Variants in NHEJ1 observed in about 807,000 individuals in gnomAD.
NHEJ1 encodes the protein non-homologous end joining factor 1, also known as non-homologous end-joining factor 1.
Under a neutral mutation model 39.4 loss-of-function variants are expected in NHEJ1, and 22 were observed. The observed-to-expected ratio is 0.56, with a 90% CI of 0.40 to 0.80. NHEJ1 has a LOEUF of 0.80. Among genes scored for constraint, NHEJ1 ranks in the 30% least tolerant of loss-of-function variants. The probability of loss-of-function intolerance (pLI) is 0.00; values close to 1 mark genes in which losing one functional copy is unlikely to be tolerated. For missense variants in NHEJ1, 329 were observed against 357.1 expected, an observed-to-expected ratio of 0.92 and a Z score of 0.63; for synonymous variants, 154 against 135.6, an observed-to-expected ratio of 1.14 and a Z score of -0.94.
chr2:219,078,162 G>A lies in NHEJ1; in HGVS notation c.633C>T (p.Val211=). 6.2e-7 allele frequency: 1 copy of A among 1,614,142 alleles called. No individual in the cohort carries two copies. Among genetic ancestry groups the A allele is most frequent in the Non-Finnish European group, 8.5e-7 (1 of 1,180,020 alleles). ...CCATATACAGATCCTGCAGATTCAT[G>A]ACAAAGGGCTTTCCATCACCAATGC... is the stretch of plus-strand genomic sequence containing the variant. The part of the protein sequence containing the change: ...ACSIGDGKPF[V]MNLQDLYMAV... Residue 211 remains valine, a synonymous_variant, in exon 6 of 8, where the codon GTC becomes GTT. Coordinates refer to ENST00000356853, the MANE Select transcript of NHEJ1 (RefSeq NM_024782.3).
At chr2:219,079,725 T>C (rs1254335130) in intron 5 of NHEJ1, among the ~76,000 whole-genome samples, 1 of 152,162 alleles carries the variant, frequency 6.6e-6, no homozygotes, top group Non-Finnish European at 1.5e-5. Flanking sequence ...ACCTCTACCC[T>C]ACCTCACTCT....
At chr2:219,151,705 T>TA (rs2106364722) in intron 3 of NHEJ1, among the ~76,000 whole-genome samples, 1 of 152,060 alleles carries the variant, frequency 6.6e-6, no homozygotes, top group South Asian at 2.1e-4. Context: ...ATAAAATGTG[T>TA]AAAAAAGTCC....
At chr2:219,141,922 C>G (rs58232675) in intron 5 of NHEJ1, among the ~76,000 whole-genome samples, 2 of 152,080 alleles carry the variant, frequency 1.3e-5, no homozygotes, top group Non-Finnish European at 2.9e-5. Flanking sequence ...TGGCAATTTT[C>G]AAGTTAAAGC....
intron 5 of NHEJ1, among the ~76,000 whole-genome samples, chr2:219,137,282 G>A (rs539175704): frequency 6.6e-6 from 1 of 151,832 alleles, no homozygotes; most frequent in Non-Finnish European, 1.5e-5. Context: ...ATATGCCCAC[G>A]GTTAAACCGA....
In NHEJ1 at chr2:219,076,183, CAG is replaced by C. The variant is rs1253011045; in HGVS notation, c.*196_*197del. 1 of 1,227,244 alleles carries C rather than the reference CAG, an allele frequency of 8.1e-7. No individual in the cohort carries two copies. The highest frequency in any genetic ancestry group is 1.5e-5 in the African/African-American group (1 of 65,928). 76.0% of individuals were successfully genotyped at this position (1,227,244 alleles called of 1,614,324 possible). ...AAAAGAGAGGAGAGCACGGGATTCT[CAG>C]AGACTGGCTTCCACTTGAACAGGGA... On this transcript the variant is annotated 3_prime_UTR_variant, in exon 8 of 8. Transcript: ENST00000356853.
intron 5 of NHEJ1, among the ~76,000 whole-genome samples, chr2:219,106,841 G>T (rs577588266): frequency 7.9e-5 from 12 of 152,258 alleles, no homozygotes; most frequent in Admixed American, 3.9e-4. Flanking sequence ...CCCACAGTTT[G>T]GTAAAATGCA....
intron 5 of NHEJ1, among the ~76,000 whole-genome samples, chr2:219,086,886 C>G (rs1369414053): frequency 6.6e-6 from 1 of 152,258 alleles, no homozygotes; most frequent in South Asian, 2.1e-4. Context: ...ATAACCACCC[C>G]CTCCCCTTTG....
chr2:219,147,438 T>C (rs559725828), intron 4 of NHEJ1, among the ~76,000 whole-genome samples: 20 of 152,304 alleles, frequency 1.3e-4, no homozygotes, highest in Middle Eastern at 3.4e-3. Flanking sequence ...GCTGAGATCA[T>C]ACCACTACAC....
chr2:219,085,042 T>C (rs1319567263), intron 5 of NHEJ1, among the ~76,000 whole-genome samples: 3 of 152,234 alleles, frequency 2.0e-5, no homozygotes, highest in East Asian at 3.8e-4. Flanking sequence ...CTCTGCTATG[T>C]CATTTCCATT....
chr2:219,114,758 A>G (rs1949395318), intron 5 of NHEJ1, among the ~76,000 whole-genome samples: 1 of 152,194 alleles, frequency 6.6e-6, no homozygotes, highest in Non-Finnish European at 1.5e-5. Flanking sequence ...TGATTTTATA[A>G]GAACTATATC....
At chr2:219,157,170 T>C (rs534481604) in intron 3 of NHEJ1, among the ~76,000 whole-genome samples, 1 of 152,342 alleles carries the variant, frequency 6.6e-6, no homozygotes, top group East Asian at 1.9e-4. Context: ...TCTCACTAGA[T>C]TATGAACTCC....
chr2:219,157,328 T>A, intron 3 of NHEJ1, 144 bp downstream of exon 3: 2 of 703,626 alleles, frequency 2.8e-6, no homozygotes, highest in Non-Finnish European at 5.0e-6. Context: ...TCAAGAATCC[T>A]TTTTGCCTTC....
intron 3 of NHEJ1, among the ~76,000 whole-genome samples, chr2:219,154,401 G>A (rs140539114): frequency 2.3e-3 from 344 of 152,232 alleles, no homozygotes; most frequent in African/African-American, 7.9e-3. Context: ...ACTAGGGAAC[G>A]GGGTAGAAAG....
intron 5 of NHEJ1, among the ~76,000 whole-genome samples, chr2:219,140,269 G>C (rs918542990): frequency 1.3e-5 from 2 of 152,178 alleles, no homozygotes; most frequent in Non-Finnish European, 2.9e-5. Flanking sequence ...GATCATATAG[G>C]GTTTTATAGG....
chr2:219,128,445 A>G (rs1949544814), intron 5 of NHEJ1, among the ~76,000 whole-genome samples: 1 of 152,154 alleles, frequency 6.6e-6, no homozygotes, highest in Admixed American at 6.5e-5. Flanking sequence ...TAGGGGGGCT[A>G]GCTCTCTTCT....
At chr2:219,138,090 A>C (rs6748383) in intron 5 of NHEJ1, among the ~76,000 whole-genome samples, 79,556 of 151,822 alleles carry the variant, frequency 0.52, 22,455 homozygotes, top group Non-Finnish European at 0.64. Flanking sequence ...CTAAAAAAAA[A>C]CCACCCTGAA....
At chr2:219,126,958 G>T (rs1046216711) in intron 5 of NHEJ1, among the ~76,000 whole-genome samples, 7 of 140,106 alleles carry the variant, frequency 5.0e-5, no homozygotes, top group Non-Finnish European at 1.1e-4. Flanking sequence ...TAAGAAGCAA[G>T]GTGGAGAGTA....
rs746985711 is a variant in NHEJ1, at chr2:219,071,342, G to A, written c.*5039C>T. Among the ~76,000 whole-genome samples the A allele has an allele frequency of 1.3e-5, 2 of 152,182 alleles. No homozygotes were observed. The highest frequency in any genetic ancestry group is 2.4e-5 in the African/African-American group (1 of 41,434). ...CATAAAGCTAGGAGGACTCTGGCCC[G>A]GGAGAGGGGGGTAGGGGTTAGGCAA... On this transcript the variant is annotated 3_prime_UTR_variant, in exon 8 of 8. Transcript: ENST00000356853.
chr2:219,157,408 C>T, intron 3 of NHEJ1, 64 bp downstream of exon 3: 1 of 1,431,198 alleles, frequency 7.0e-7, no homozygotes, highest in Non-Finnish European at 9.8e-7. Flanking sequence ...AATAAAAGCA[C>T]CTAAAGCTTC....
Sources: allele counts gnomAD v4.1 joint callset (sites outside exome capture counted in the v4.1 genomes callset), GRCh38; gene constraint gnomAD v4.1.1; transcripts MANE v1.5; gene names NCBI Gene and HGNC (gene_info 2026-07-23, HGNC 2026-07-21).